The following CUL4A variants were observed in gnomAD, a reference collection of about 807,000 sequenced individuals.
CUL4A encodes cullin 4A.
Under a neutral mutation model 95.5 loss-of-function variants are expected in CUL4A, and 16 were observed. The observed-to-expected ratio is 0.17, with a 90% CI of 0.11 to 0.25. The LOEUF is 0.25. Among genes scored for constraint, CUL4A ranks in the 10% least tolerant of loss-of-function variants. The pLI is 1.00. For missense variants in CUL4A, 610 were observed against 937.0 expected (o/e 0.65, Z 4.56); for synonymous variants, 380 against 353.1 (o/e 1.08, Z -0.85).
chr13:113,226,916 C>A (rs777973515), intron 3 of CUL4A, among the ~76,000 whole-genome samples: 17 of 152,164 alleles, frequency 1.1e-4, no homozygotes, highest in Non-Finnish European at 1.8e-4. Flanking sequence ...TCCAGGAGCC[C>A]CCCTGTGGGA....
At chr13:113,232,250 G>GTCA (rs1566343974) in intron 5 of CUL4A, among the ~76,000 whole-genome samples, 1 of 1,598 alleles carries the variant, frequency 6.3e-4, no homozygotes, top group African/African-American at 1.1e-3. Flanking sequence ...CACCATTACT[G>GTCA]CTGCCACCAC....
chr13:113,249,855 C>T (rs2041950392), intron 15 of CUL4A, among the ~76,000 whole-genome samples: 1 of 152,202 alleles, frequency 6.6e-6, no homozygotes, highest in Admixed American at 6.5e-5. Context: ...TGATGTTGAG[C>T]ATCTTTTCAT....
At chr13:113,210,843 A>G (rs1352591819) in intron 2 of CUL4A, among the ~76,000 whole-genome samples, 1 of 152,246 alleles carries the variant, frequency 6.6e-6, no homozygotes. Context: ...AAAATTATAA[A>G]AAATACAAAA....
chr13:113,239,524 G>A lies in CUL4A; in HGVS notation c.1008G>A (p.Leu336=). 6.2e-7 allele frequency: 1 copy of A among 1,613,556 alleles called. No individual in the cohort carries two copies. The change falls in exon 10 of 20, where the codon CTG becomes CTA. Residue 336 remains leucine, a synonymous_variant. Transcript: ENST00000375440. ...GGGTGAGGGGCGGGCAGCAGGCGCT[G>A]CTGCAGCACTGGAGCGAGTACATCA... The part of the protein sequence containing the change: ...FSRVRGGQQA[L]LQHWSEYIKT...
chr13:113,246,465 G>T (rs549951262), intron 15 of CUL4A, among the ~76,000 whole-genome samples: 4 of 152,348 alleles, frequency 2.6e-5, no homozygotes, highest in Admixed American at 6.5e-5. Flanking sequence ...TGGAGGGTTT[G>T]CACGCCGGAG....
chr13:113,249,440 C>T (rs989801753), intron 15 of CUL4A, among the ~76,000 whole-genome samples: 2 of 152,352 alleles, frequency 1.3e-5, no homozygotes, highest in African/African-American at 4.8e-5. Context: ...GTGCTTTATT[C>T]CTTTTCTGGC....
chr13:113,208,931 T>C, upstream of CUL4A: 7 of 1,318,816 alleles, frequency 5.3e-6, no homozygotes, highest in Non-Finnish European at 6.8e-6. Flanking sequence ...GCCCCACGGC[T>C]AAACTGCCTT....
chr13:113,255,018 A>C lies in CUL4A; in HGVS notation c.1924A>C (p.Ser642Arg). The change falls in exon 18 of 20, where the codon AGT (serine) becomes CGT (arginine). Residue 642 changes from serine (S) to arginine (R), a missense_variant. This residue lies in a region of CUL4A where 72 missense variants were observed against 93.2 expected (regional missense o/e 0.77). Coordinates refer to ENST00000375440, the MANE Select transcript of CUL4A (RefSeq NM_001008895.4). ...ACGKARVLIK[S>R]PKGKEVEDGD... ...TGGCAAAGCACGTGTGCTGATTAAA[A>C]GTCCCAAAGGAAAGGAAGTGGAAGA... The C allele has an allele frequency of 6.2e-7, 1 of 1,614,254 alleles. No individual in the cohort carries two copies. Among genetic ancestry groups the C allele is most frequent in the Middle Eastern group, 1.6e-4 (1 of 6,062 alleles).
intron 3 of CUL4A, 54 bp from the exon 4 acceptor site, chr13:113,227,922 A>AAT: frequency 2.6e-5 from 30 of 1,137,766 alleles, no homozygotes; most frequent in Non-Finnish European, 3.4e-5. Flanking sequence ...AAAAAAAAAA[A>AAT]GGTAATAATT....
intron 2 of CUL4A, 107 bp from the exon 3 acceptor site, chr13:113,218,838 T>G (rs1028827446): frequency 1.5e-6 from 1 of 667,700 alleles, no homozygotes; most frequent in African/African-American, 1.8e-5. Flanking sequence ...TGGGGTAGGG[T>G]GTGGGGTGCC....
chr13:113,263,327 A>G (rs2042338388), intron 19 of CUL4A, among the ~76,000 whole-genome samples, 160 bp from the exon 20 acceptor site: 1 of 152,246 alleles, frequency 6.6e-6, no homozygotes. Context: ...TGTTCATTTC[A>G]TAAATATGTG....
intron 11 of CUL4A, 25 bp from the exon 12 acceptor site, chr13:113,244,385 A>G: frequency 1.3e-6 from 2 of 1,542,400 alleles, no homozygotes; most frequent in Non-Finnish European, 1.8e-6. Context: ...AGTTTAGAGT[A>G]TTTACTATAT....
intron 9 of CUL4A, among the ~76,000 whole-genome samples, chr13:113,239,066 G>A (rs1312124667): frequency 6.6e-6 from 1 of 152,172 alleles, no homozygotes; most frequent in African/African-American, 2.4e-5. Flanking sequence ...TTGATAGCTT[G>A]TCCTTTTACA....
intron 3 of CUL4A, among the ~76,000 whole-genome samples, chr13:113,224,251 G>T (rs1315394348): frequency 6.6e-6 from 1 of 152,098 alleles, no homozygotes; most frequent in Non-Finnish European, 1.5e-5. Context: ...TACTCGGGAG[G>T]CTGAGGCAGG....
At chr13:113,208,948 C>T (rs976574452), upstream of CUL4A, 43 of 1,266,112 alleles carry the variant, frequency 3.4e-5, no homozygotes, top group Non-Finnish European at 4.1e-5. Flanking sequence ...CCTTTCACTG[C>T]GCTGACCCTT....
At chr13:113,255,641 G>A (rs577387318) in intron 18 of CUL4A, among the ~76,000 whole-genome samples, 113 of 152,150 alleles carry the variant, frequency 7.4e-4, no homozygotes, top group African/African-American at 2.6e-3. Context: ...CCTGAATGCC[G>A]TACAGTTGGA....
intron 14 of CUL4A, 45 bp from the exon 15 acceptor site, chr13:113,245,911 T>C: frequency 7.3e-7 from 1 of 1,378,798 alleles, no homozygotes; most frequent in Non-Finnish European, 1.0e-6. Flanking sequence ...TTAATTATGT[T>C]TTATTACTTT....
In CUL4A at chr13:113,223,522, C is replaced by T. The variant is rs146885890; in HGVS notation, c.369-4454C>T. On this transcript the variant is annotated intron_variant, in intron 3 of 19. Coordinates refer to ENST00000375440, the MANE Select transcript of CUL4A (RefSeq NM_001008895.4). ...AAGCGATTCTCTTGTCTCAGCCTCC[C>T]GAGTAGCTGGGATTACAGGAATGCG... Among the ~76,000 whole-genome samples, 1,104 of 152,218 alleles carry T rather than the reference C, an allele frequency of 7.3e-3. 18 individuals carry two copies. The highest frequency in any genetic ancestry group is 0.025 in the African/African-American group (1,031 of 41,526).
intron 17 of CUL4A, 67 bp downstream of exon 17, chr13:113,254,865 G>C (rs2042081849): frequency 1.9e-6 from 3 of 1,591,672 alleles, no homozygotes; most frequent in Admixed American, 1.7e-5. Flanking sequence ...TTTAAGATAA[G>C]ACATAGACTT....
Sources: gnomAD v4.1 joint callset for allele counts (sites outside exome capture counted in the v4.1 genomes callset) on GRCh38, gnomAD v4.1.1 for gene constraint, gnomAD v4.1.1 regional missense constraint, MANE v1.5 for transcripts, NCBI Gene and HGNC (gene_info 2026-07-23, HGNC 2026-07-21) for gene names.